The following GRID2 variants were observed in gnomAD, a reference collection of about 807,000 sequenced individuals.
GRID2 encodes the protein glutamate ionotropic receptor delta type subunit 2.
Under a neutral mutation model 114.8 loss-of-function variants are expected in GRID2, and 33 were observed. That is an observed-to-expected ratio of 0.29 (90% CI 0.22 to 0.38). The LOEUF is 0.38. Ranked by LOEUF, GRID2 falls within the 10% of genes least tolerant of loss-of-function variation. The probability of loss-of-function intolerance (pLI) is 1.00; values close to 1 mark genes in which losing one functional copy is unlikely to be tolerated. For synonymous variants in GRID2, 505 were observed against 449.9 expected (o/e 1.12, Z -1.55); for missense variants, 1,184 against 1,257.7 (o/e 0.94, Z 0.89).
chr4:92,554,249 G>A (rs983622671), intron 1 of GRID2, among the ~76,000 whole-genome samples: 2 of 152,050 alleles, frequency 1.3e-5, no homozygotes, highest in African/African-American at 2.4e-5. Context: ...ATTTATGAGC[G>A]GCAGTAAACC....
chr4:92,669,324 C>T (rs960867266), intron 2 of GRID2, among the ~76,000 whole-genome samples: 5 of 151,972 alleles, frequency 3.3e-5, no homozygotes, highest in African/African-American at 9.6e-5. Context: ...TAACTACTAA[C>T]AACCCTAAAA....
intron 2 of GRID2, among the ~76,000 whole-genome samples, chr4:92,876,321 T>C (rs891697638): frequency 3.3e-5 from 5 of 150,436 alleles, no homozygotes; most frequent in Non-Finnish European, 5.9e-5. Context: ...ATTTTTGAGA[T>C]GGAGTCTCGC....
chr4:93,343,452 T>A (rs557206293), intron 8 of GRID2, among the ~76,000 whole-genome samples: 1 of 152,182 alleles, frequency 6.6e-6, no homozygotes, highest in Non-Finnish European at 1.5e-5. Flanking sequence ...ACTGTACGCT[T>A]CATAAGACAT....
chr4:93,556,776 A>T (rs1734360732), intron 13 of GRID2, among the ~76,000 whole-genome samples: 1 of 152,122 alleles, frequency 6.6e-6, no homozygotes, highest in African/African-American at 2.4e-5. Context: ...GAGAAAAACA[A>T]CCCCAAGACA....
intron 6 of GRID2, among the ~76,000 whole-genome samples, chr4:93,220,445 C>T (rs1221934136): frequency 6.6e-6 from 1 of 151,916 alleles, no homozygotes. Context: ...AGACAGAAAG[C>T]AAAATAAAGC....
chr4:92,808,814 C>T (rs571316127), intron 2 of GRID2, among the ~76,000 whole-genome samples: 74 of 150,772 alleles, frequency 4.9e-4, no homozygotes, highest in African/African-American at 1.7e-3. Context: ...CTATTTTATT[C>T]CCATGTTGGC....
At chr4:93,256,183 T>C (rs2149539657) in intron 8 of GRID2, among the ~76,000 whole-genome samples, 1 of 152,194 alleles carries the variant, frequency 6.6e-6, no homozygotes, top group South Asian at 2.1e-4. Context: ...GTAGAAGTAA[T>C]ATTCCCGTTC....
chr4:92,566,287 T>G (rs1279116089), intron 1 of GRID2, among the ~76,000 whole-genome samples: 4 of 150,492 alleles, frequency 2.7e-5, no homozygotes, highest in East Asian at 2.0e-4. Flanking sequence ...AATATTTCTG[T>G]TTTTTTTTAA....
At chr4:92,868,321 C>T (rs1009125217) in intron 2 of GRID2, among the ~76,000 whole-genome samples, 1 of 151,954 alleles carries the variant, frequency 6.6e-6, no homozygotes, top group African/African-American at 2.4e-5. Context: ...ACAAAATACC[C>T]GTACCCACCC....
chr4:93,348,613 G>A (rs1210814537), intron 8 of GRID2, among the ~76,000 whole-genome samples: 3 of 152,086 alleles, frequency 2.0e-5, no homozygotes, highest in African/African-American at 7.2e-5. Context: ...TTTGGAAGAT[G>A]AGGCCCCAGA....
intron 2 of GRID2, among the ~76,000 whole-genome samples, chr4:93,064,369 AT>A (rs1037628149): frequency 6.6e-6 from 1 of 151,780 alleles, no homozygotes; most frequent in Admixed American, 6.6e-5. Context: ...ATAAGATCTA[AT>A]TTTATAATTT....
intron 14 of GRID2, among the ~76,000 whole-genome samples, chr4:93,765,608 T>TAATA (rs369052724): frequency 3.8e-3 from 111 of 29,488 alleles, no homozygotes; most frequent in Admixed American, 0.011. Context: ...AGGTGAGGTA[T>TAATA]TATATATATA....
chr4:92,832,650 T>C (rs1167783560), intron 2 of GRID2, among the ~76,000 whole-genome samples: 1 of 152,000 alleles, frequency 6.6e-6, no homozygotes, highest in East Asian at 1.9e-4. Context: ...CACCTTGACC[T>C]CCCAAAGTGC....
intron 2 of GRID2, among the ~76,000 whole-genome samples, chr4:93,030,179 A>T (rs1160715203): frequency 6.6e-6 from 1 of 152,112 alleles, no homozygotes; most frequent in East Asian, 1.9e-4. Context: ...AAAATACATA[A>T]CTATTTCATG....
At chr4:92,411,633 G>C (rs1387237480) in intron 1 of GRID2, among the ~76,000 whole-genome samples, 1 of 91,234 alleles carries the variant, frequency 1.1e-5, no homozygotes, top group Non-Finnish European at 2.3e-5. Context: ...GCATGTGTGT[G>C]TGTGTGTGTG....
intron 8 of GRID2, among the ~76,000 whole-genome samples, chr4:93,254,362 A>G (rs1223758542): frequency 6.6e-6 from 1 of 152,120 alleles, no homozygotes; most frequent in Non-Finnish European, 1.5e-5. Flanking sequence ...TGAAATGTTT[A>G]ACTAGTAAAA....
chr4:93,407,231 G>A (rs909875940), intron 9 of GRID2, among the ~76,000 whole-genome samples: 9 of 152,068 alleles, frequency 5.9e-5, no homozygotes, highest in African/African-American at 2.2e-4. Context: ...TCTGAAATGA[G>A]AATAGATATC....
chr4:92,676,835 A>G (rs1380826973), intron 2 of GRID2, among the ~76,000 whole-genome samples: 1 of 152,206 alleles, frequency 6.6e-6, no homozygotes, highest in African/African-American at 2.4e-5. Context: ...TGTTCAGAGC[A>G]GCACTATTCT....
chr4:92,962,073 T>C (rs183048190), intron 2 of GRID2, among the ~76,000 whole-genome samples: 15 of 152,100 alleles, frequency 9.9e-5, no homozygotes, highest in African/African-American at 3.6e-4. Context: ...TCTTACATGC[T>C]GTCTCCTTTA....
Sources: gnomAD v4.1 joint callset for allele counts (sites outside exome capture counted in the v4.1 genomes callset) on GRCh38, gnomAD v4.1.1 for gene constraint, MANE v1.5 for transcripts, NCBI Gene and HGNC (gene_info 2026-07-23, HGNC 2026-07-21) for gene names.